The following FAM210A variants were observed in gnomAD, a reference collection of about 807,000 sequenced individuals.
FAM210A encodes mitochondrial inner membrane scaffold 1.
FAM210A carries 13 observed loss-of-function variants against 25.3 expected under a neutral mutation model. That is an observed-to-expected ratio of 0.51 (90% CI 0.33 to 0.82). The LOEUF (loss-of-function observed/expected upper bound fraction) is 0.82, where lower values mean the gene tolerates loss of function less well. FAM210A is among the 40% of genes least tolerant of loss of function. The pLI is 0.02. For synonymous variants in FAM210A, 125 were observed against 118.7 expected (o/e 1.05, Z -0.35); for missense variants, 319 against 323.2 (o/e 0.99, Z 0.10).
intron 1 of FAM210A, among the ~76,000 whole-genome samples, chr18:13,716,562 C>T (rs2043863469): frequency 6.6e-6 from 1 of 152,146 alleles, no homozygotes; most frequent in Admixed American, 6.5e-5. Flanking sequence ...CTTAAAGGGA[C>T]ATAGTTTGGC....
chr18:13,723,957 A>G (rs2043915198), intron 1 of FAM210A, among the ~76,000 whole-genome samples: 1 of 152,240 alleles, frequency 6.6e-6, no homozygotes, highest in African/African-American at 2.4e-5. Flanking sequence ...TTCACAGAAC[A>G]CTATCTTAGG....
intron 1 of FAM210A, among the ~76,000 whole-genome samples, chr18:13,713,866 G>A (rs1344750400): frequency 6.6e-6 from 1 of 152,014 alleles, no homozygotes; most frequent in African/African-American, 2.4e-5. Flanking sequence ...CTGCCTCTCA[G>A]GTAGCATACC....
Position 13,721,601 on chromosome 18 carries a change from C to T in FAM210A, c.-29+4728G>A, listed in dbSNP as rs1051121628. Reference sequence around the variant, plus strand: ...TCTACTTGGCCTTTCCTACCACGATCGCCCTCACTCCACAAGTCGGGGAAC... The same window carrying T: ...TCTACTTGGCCTTTCCTACCACGATTGCCCTCACTCCACAAGTCGGGGAAC... On this transcript the variant is annotated intron_variant, in intron 1 of 3. Transcript: ENST00000651643. 4.5e-4 allele frequency among the ~76,000 whole-genome samples: 69 copies of T among 152,082 alleles called. 1 individual carries two copies. Among genetic ancestry groups the T allele is most frequent in the Admixed American group, 6.5e-5 (1 of 15,268 alleles).
rs139276870 is a variant in FAM210A, at chr18:13,705,936, G to A, written c.-29+20393C>T. Among the ~76,000 whole-genome samples, 155 of 152,268 alleles carry A rather than the reference G, an allele frequency of 1.0e-3. 1 individual carries two copies. Among genetic ancestry groups the A allele is most frequent in the African/African-American group, 3.6e-3 (148 of 41,548 alleles). On this transcript the variant is annotated intron_variant, in intron 1 of 3. Transcript: ENST00000651643. ...ATGCATGTTTTCTGGTTGTATAAAA[G>A]CTTTCCCATGCAAGAGGACTGATGT...
chr18:13,723,844 A>C (rs1225848219), intron 1 of FAM210A, among the ~76,000 whole-genome samples: 1 of 152,226 alleles, frequency 6.6e-6, no homozygotes, highest in African/African-American at 2.4e-5. Context: ...TTGTTCCAGA[A>C]AGACAATGAA....
intron 3 of FAM210A, chr18:13,670,889 G>A (rs2149051352): frequency 6.5e-6 from 1 of 152,768 alleles, no homozygotes; most frequent in Non-Finnish European, 1.5e-5. Flanking sequence ...CCAGCTACTT[G>A]GGAGGCTAAA....
intron 3 of FAM210A, among the ~76,000 whole-genome samples, chr18:13,670,714 C>T (rs1273374611): frequency 6.6e-6 from 1 of 152,142 alleles, no homozygotes; most frequent in Non-Finnish European, 1.5e-5. Flanking sequence ...TGCTGTCAGG[C>T]CGGCTGCAGT....
chr18:13,679,560 C>G (rs76357838), intron 2 of FAM210A, among the ~76,000 whole-genome samples: 1 of 152,136 alleles, frequency 6.6e-6, no homozygotes, highest in Admixed American at 6.5e-5. Context: ...GAGGACTGTT[C>G]TGGAAAGCAA....
At chr18:13,719,267 A>C (rs2043882120) in intron 1 of FAM210A, among the ~76,000 whole-genome samples, 1 of 152,128 alleles carries the variant, frequency 6.6e-6, no homozygotes, top group East Asian at 1.9e-4. Context: ...GATAGCAAGG[A>C]AGAGTTACTA....
At chr18:13,686,079 AAGAG>A (rs2043594688) in intron 1 of FAM210A, among the ~76,000 whole-genome samples, 5 of 152,246 alleles carry the variant, frequency 3.3e-5, no homozygotes, top group Admixed American at 2.0e-4. Context: ...AAGATAAACT[AAGAG>A]AGAAAACAAA....
At chr18:13,708,234 G>A (rs1177245480) in intron 1 of FAM210A, among the ~76,000 whole-genome samples, 2 of 152,218 alleles carry the variant, frequency 1.3e-5, no homozygotes, top group African/African-American at 4.8e-5. Context: ...ATATTGCAGA[G>A]GATACAGATG....
At chr18:13,705,810 A>G (rs532175278) in intron 1 of FAM210A, among the ~76,000 whole-genome samples, 1 of 152,064 alleles carries the variant, frequency 6.6e-6, no homozygotes, top group Non-Finnish European at 1.5e-5. Flanking sequence ...AGTTTGTCAA[A>G]CCCACGTGCC....
intron 1 of FAM210A, chr18:13,715,402 T>C (rs574764512): frequency 1.3e-5 from 2 of 152,354 alleles, no homozygotes; most frequent in East Asian, 3.9e-4. Flanking sequence ...CTTAATATAA[T>C]AATTCTTTAG....
intron 1 of FAM210A, among the ~76,000 whole-genome samples, chr18:13,684,285 G>C (rs1207568064): frequency 6.6e-6 from 1 of 152,120 alleles, no homozygotes; most frequent in Non-Finnish European, 1.5e-5. Context: ...TGTAATCCCA[G>C]CTATTTGGGA....
chr18:13,679,777 GA>G (rs1478554837), intron 2 of FAM210A, among the ~76,000 whole-genome samples: 1 of 151,980 alleles, frequency 6.6e-6, no homozygotes, highest in Non-Finnish European at 1.5e-5. Context: ...AAAGAGGGAG[GA>G]AAATAAAACT....
chr18:13,718,494 ACTTGTTC>A (rs1433220873), intron 1 of FAM210A, among the ~76,000 whole-genome samples: 1 of 152,088 alleles, frequency 6.6e-6, no homozygotes, highest in Non-Finnish European at 1.5e-5. Flanking sequence ...ATAGTTCATA[ACTTGTTC>A]CTGATCACAT....
intron 1 of FAM210A, among the ~76,000 whole-genome samples, chr18:13,717,714 T>C (rs140416130): frequency 2.6e-5 from 4 of 152,182 alleles, no homozygotes; most frequent in Admixed American, 2.0e-4. Flanking sequence ...AACATAAAGG[T>C]TAATCAACTT....
intron 1 of FAM210A, among the ~76,000 whole-genome samples, chr18:13,708,575 A>T (rs4796995): frequency 6.6e-6 from 1 of 151,980 alleles, no homozygotes; most frequent in East Asian, 1.9e-4. Context: ...TACTCCTATC[A>T]CTCAGGAAAT....
chr18:13,720,642 C>T (rs907526230), intron 1 of FAM210A, among the ~76,000 whole-genome samples: 2 of 152,148 alleles, frequency 1.3e-5, no homozygotes, highest in African/African-American at 4.8e-5. Flanking sequence ...AGCATAATGT[C>T]ATCAATGTGA....
Sources: allele counts gnomAD v4.1 joint callset (sites outside exome capture counted in the v4.1 genomes callset), GRCh38; gene constraint gnomAD v4.1.1; transcripts MANE v1.5; gene names NCBI Gene and HGNC (gene_info 2026-07-23, HGNC 2026-07-21).